The following STK39 variants were observed in gnomAD, a reference collection of about 807,000 sequenced individuals.
STK39 encodes the protein STE20/SPS1-related proline-alanine-rich protein kinase.
In STK39, 20 loss-of-function variants were observed where a neutral mutation model predicts 77.8. The observed-to-expected ratio is 0.26, with a 90% CI of 0.18 to 0.37. The LOEUF is 0.37. Among genes scored for constraint, STK39 ranks in the 10% least tolerant of loss-of-function variants. The probability of loss-of-function intolerance (pLI) is 1.00; values close to 1 mark genes in which losing one functional copy is unlikely to be tolerated. For missense variants in STK39, 479 were observed against 656.5 expected (o/e 0.73, Z 2.95); for synonymous variants, 246 against 234.1 (o/e 1.05, Z -0.47).
intron 2 of STK39, among the ~76,000 whole-genome samples, chr2:168,174,638 C>T (rs1418897222): frequency 1.3e-5 from 2 of 151,898 alleles, no homozygotes; most frequent in East Asian, 1.9e-4. Context: ...TATGAACAAT[C>T]GCTTTTTGAC....
chr2:167,985,606 C>T (rs1204585743), intron 16 of STK39, among the ~76,000 whole-genome samples: 1 of 152,138 alleles, frequency 6.6e-6, no homozygotes, highest in African/African-American at 2.4e-5. Context: ...CCTGGCAGTG[C>T]ATCTTAATGA....
intron 1 of STK39, among the ~76,000 whole-genome samples, chr2:168,222,577 T>C (rs1420821436): frequency 6.6e-6 from 1 of 152,184 alleles, no homozygotes; most frequent in East Asian, 1.9e-4. Context: ...GTTTAAGTGC[T>C]TAAGCTACCA....
chr2:168,225,671 C>T (rs1393911700), intron 1 of STK39, among the ~76,000 whole-genome samples: 1 of 152,182 alleles, frequency 6.6e-6, no homozygotes, highest in Non-Finnish European at 1.5e-5. Flanking sequence ...TCTTTAAACA[C>T]ATTGTAAGTA....
chr2:168,224,555 TAG>T (rs1690257466), intron 1 of STK39, among the ~76,000 whole-genome samples: 1 of 151,736 alleles, frequency 6.6e-6, no homozygotes, highest in Non-Finnish European at 1.5e-5. Context: ...AGCAATCAAA[TAG>T]AGATTAACAT....
chr2:168,163,093 A>G (rs750262911), intron 4 of STK39, among the ~76,000 whole-genome samples: 2 of 152,202 alleles, frequency 1.3e-5, no homozygotes, highest in Non-Finnish European at 2.9e-5. Flanking sequence ...TAGGAGAATT[A>G]CATTATTAGT....
chr2:168,178,730 T>C (rs1478490961), intron 2 of STK39, among the ~76,000 whole-genome samples: 1 of 152,222 alleles, frequency 6.6e-6, no homozygotes, highest in Admixed American at 6.5e-5. Context: ...ACAAAGAAGC[T>C]GACACTGTAA....
chr2:168,135,725 TC>T (rs1290450938), intron 8 of STK39, among the ~76,000 whole-genome samples: 3 of 152,118 alleles, frequency 2.0e-5, no homozygotes, highest in Admixed American at 6.5e-5. Context: ...CATAGATTTT[TC>T]CCCCCGCAAA....
At chr2:167,998,475 G>C (rs948532445) in intron 16 of STK39, among the ~76,000 whole-genome samples, 4 of 152,058 alleles carry the variant, frequency 2.6e-5, no homozygotes, top group Admixed American at 1.3e-4. Context: ...TGCTACCTTA[G>C]CCCACACCAT....
chr2:168,041,777 T>C (rs1214035050), intron 14 of STK39, among the ~76,000 whole-genome samples: 2 of 152,248 alleles, frequency 1.3e-5, no homozygotes, highest in Non-Finnish European at 2.9e-5. Flanking sequence ...AAAACAGACC[T>C]GAACTTGGTT....
At chr2:168,040,323 A>C (rs1338173192) in intron 14 of STK39, among the ~76,000 whole-genome samples, 2 of 152,226 alleles carry the variant, frequency 1.3e-5, no homozygotes, top group Non-Finnish European at 2.9e-5. Flanking sequence ...ATAGGTTCCA[A>C]GTATTTCTTT....
rs181873031 is a variant in STK39 at position 168,105,939 on chromosome 2, C to G, written c.1089+23602G>C. Among the ~76,000 whole-genome samples, 3 of 152,330 alleles carry G rather than the reference C, an allele frequency of 2.0e-5. No homozygotes were observed. The East Asian group carries it at 5.8e-4, about 29-fold the overall frequency. On this transcript the variant is annotated intron_variant, in intron 10 of 17. Coordinates refer to ENST00000355999, the MANE Select transcript of STK39 (RefSeq NM_013233.3). ...TTACCTTGCAGTCCTAGTGTACAAA[C>G]CCTGAAAACAGGAATACATCATGAC... is the stretch of plus-strand genomic sequence containing the variant.
chr2:168,021,021 C>T (rs1288264910), intron 14 of STK39, among the ~76,000 whole-genome samples: 1 of 151,988 alleles, frequency 6.6e-6, no homozygotes, highest in Admixed American at 6.6e-5. Flanking sequence ...ACAAAACAAC[C>T]ATGAGGAAAG....
At chr2:168,084,158 C>T (rs555017588) in intron 10 of STK39, among the ~76,000 whole-genome samples, 1 of 152,130 alleles carries the variant, frequency 6.6e-6, no homozygotes, top group Non-Finnish European at 1.5e-5. Flanking sequence ...AATGGGAAAA[C>T]ATGGAAAGCT....
chr2:168,035,499 C>T (rs190860702), intron 14 of STK39, among the ~76,000 whole-genome samples: 1 of 152,148 alleles, frequency 6.6e-6, no homozygotes, highest in Non-Finnish European at 1.5e-5. Context: ...GAATGTCTAA[C>T]AGGACATTTA....
At chr2:167,974,420 A>G (rs1683218158) in intron 16 of STK39, among the ~76,000 whole-genome samples, 1 of 152,168 alleles carries the variant, frequency 6.6e-6, no homozygotes, top group African/African-American at 2.4e-5. Flanking sequence ...TGAAGCATCT[A>G]AAAGAAAGGC....
chr2:167,981,102 T>C (rs991051122), intron 16 of STK39, among the ~76,000 whole-genome samples: 2 of 152,136 alleles, frequency 1.3e-5, no homozygotes, highest in African/African-American at 4.8e-5. Flanking sequence ...ATATTTAATA[T>C]GAGACTTTAG....
At chr2:168,031,629 A>C (rs1684835423) in intron 14 of STK39, among the ~76,000 whole-genome samples, 1 of 152,216 alleles carries the variant, frequency 6.6e-6, no homozygotes, top group Admixed American at 6.5e-5. Flanking sequence ...AGGTGTCGTT[A>C]TAAGAAGAGA....
chr2:168,172,298 C>T (rs1325050534), intron 2 of STK39, among the ~76,000 whole-genome samples: 1 of 152,200 alleles, frequency 6.6e-6, no homozygotes, highest in Non-Finnish European at 1.5e-5. Flanking sequence ...GCAGCCGTCA[C>T]TTTTTCCAAC....
At chr2:168,058,882 TTTTA>T (rs1685591722) in intron 14 of STK39, among the ~76,000 whole-genome samples, 1 of 152,210 alleles carries the variant, frequency 6.6e-6, no homozygotes, top group Admixed American at 6.5e-5. Context: ...CTGTTTAAAA[TTTTA>T]TTCAGATCAT....
Sources: allele counts gnomAD v4.1 joint callset (sites outside exome capture counted in the v4.1 genomes callset), GRCh38; gene constraint gnomAD v4.1.1; transcripts MANE v1.5; gene names NCBI Gene and HGNC (gene_info 2026-07-23, HGNC 2026-07-21).